The following VPS50 variants were observed in gnomAD, a reference collection of about 807,000 sequenced individuals.
VPS50 encodes syndetin.
Under a neutral mutation model 139.7 loss-of-function variants are expected in VPS50, and 70 were observed. That is an observed-to-expected ratio of 0.50 (90% CI 0.41 to 0.61). The LOEUF (loss-of-function observed/expected upper bound fraction) is 0.61, where lower values mean the gene tolerates loss of function less well. VPS50 is among the 20% of genes least tolerant of loss of function. The probability of loss-of-function intolerance (pLI) is 0.00; values close to 1 mark genes in which losing one functional copy is unlikely to be tolerated. For missense variants in VPS50, 921 were observed against 1,133.7 expected, an observed-to-expected ratio of 0.81 and a Z score of 2.69; for synonymous variants, 365 against 376.7, an observed-to-expected ratio of 0.97 and a Z score of 0.36.
chr7:93,328,949 A>G (rs1797861172), intron 21 of VPS50, among the ~76,000 whole-genome samples: 2 of 152,206 alleles, frequency 1.3e-5, no homozygotes, highest in South Asian at 4.1e-4. Flanking sequence ...ACGGAGACCA[A>G]AGCTGCTGCA....
At chr7:93,271,198 C>T (rs917088696) in intron 9 of VPS50, 22 bp from the exon 10 acceptor site, 2 of 1,519,216 alleles carry the variant, frequency 1.3e-6, no homozygotes, top group East Asian at 2.4e-5. Context: ...TAGAAAAAAA[C>T]TGTTTTTTTT....
At chr7:93,326,256 A>G (rs1404657354) in intron 21 of VPS50, among the ~76,000 whole-genome samples, 5 of 131,654 alleles carry the variant, frequency 3.8e-5, no homozygotes, top group South Asian at 2.4e-4. Flanking sequence ...ATGAGAACAC[A>G]TGGACACAGG....
At chr7:93,291,908 G>GA in intron 13 of VPS50, 73 bp downstream of exon 13, 1 of 1,023,970 alleles carries the variant, frequency 9.8e-7, no homozygotes, top group South Asian at 2.0e-5. Flanking sequence ...AAGAAGAAAG[G>GA]AAAGGGGCAG....
At chr7:93,294,791 T>G (rs1298876515) in intron 14 of VPS50, among the ~76,000 whole-genome samples, 155 bp downstream of exon 14, 2 of 152,182 alleles carry the variant, frequency 1.3e-5, no homozygotes, top group African/African-American at 2.4e-5. Flanking sequence ...ATTTCTGTAA[T>G]GTATTTGGAC....
chr7:93,298,498 C>G (rs564763436), intron 16 of VPS50, among the ~76,000 whole-genome samples: 1 of 152,300 alleles, frequency 6.6e-6, no homozygotes, highest in African/African-American at 2.4e-5. Flanking sequence ...CCAAATGTCT[C>G]TCTTCCCAGA....
intron 21 of VPS50, among the ~76,000 whole-genome samples, chr7:93,325,545 T>G (rs1797744196): frequency 6.6e-6 from 1 of 151,912 alleles, no homozygotes; most frequent in Non-Finnish European, 1.5e-5. Flanking sequence ...TTTCACAACC[T>G]ACTCATCTGA....
At chr7:93,319,588 C>G (rs189238487) in intron 20 of VPS50, among the ~76,000 whole-genome samples, 1 of 152,102 alleles carries the variant, frequency 6.6e-6, no homozygotes, top group Admixed American at 6.5e-5. Flanking sequence ...GAATTTCTCT[C>G]TCTTTGAAAA....
chr7:93,342,001 A>C (rs2117061916), intron 23 of VPS50, among the ~76,000 whole-genome samples: 1 of 152,350 alleles, frequency 6.6e-6, no homozygotes, highest in South Asian at 2.1e-4. Context: ...GAACAGCTCC[A>C]GTCTGCAGCT....
Position 93,232,395 on chromosome 7 carries a change from AGGGC to A in VPS50, c.-72_-69del. On this transcript the variant is annotated 5_prime_UTR_variant, in exon 1 of 28. Transcript: ENST00000305866. Reference sequence around the variant, plus strand: ...CCACCCACTATGGCTTCCTAGTGTCAGGGCCAGCTGTGTAGTGGCTCGGTGTGAT... The same window carrying A: ...CCACCCACTATGGCTTCCTAGTGTCACAGCTGTGTAGTGGCTCGGTGTGAT... 4 of 1,316,098 alleles carry A rather than the reference AGGGC, an allele frequency of 3.0e-6. No individual in the cohort carries two copies. The highest frequency in any genetic ancestry group is 3.3e-6 in the Non-Finnish European group (3 of 909,794). 81.5% of individuals were successfully genotyped at this position (1,316,098 alleles called of 1,614,324 possible). A position where few individuals can be genotyped will look rare whatever the true frequency, so the allele number is the denominator to read the frequency against.
At chr7:93,257,578 C>A in intron 6 of VPS50, 114 bp downstream of exon 6, 1 of 620,224 alleles carries the variant, frequency 1.6e-6, no homozygotes, top group South Asian at 2.2e-5. Context: ...TCTAGAATAT[C>A]ATTCCTTAAG....
chr7:93,282,096 C>T (rs28368792), intron 12 of VPS50, among the ~76,000 whole-genome samples: 3,267 of 151,192 alleles, frequency 0.022, 122 homozygotes, highest in African/African-American at 0.075. Context: ...CCCAGCTACT[C>T]GGGAGGCTGA....
At chr7:93,307,543 G>T (rs564502363) in intron 18 of VPS50, among the ~76,000 whole-genome samples, 1 of 151,974 alleles carries the variant, frequency 6.6e-6, no homozygotes, top group African/African-American at 2.4e-5. Flanking sequence ...TCACTGTTCT[G>T]CACGTTTATG....
At chr7:93,268,572 G>A (rs1454493534) in intron 9 of VPS50, among the ~76,000 whole-genome samples, 1 of 152,112 alleles carries the variant, frequency 6.6e-6, no homozygotes, top group Non-Finnish European at 1.5e-5. Context: ...GTTAGAACAT[G>A]TGGTGTTTGG....
intron 21 of VPS50, among the ~76,000 whole-genome samples, chr7:93,331,738 G>A (rs556229251): frequency 3.1e-4 from 47 of 152,214 alleles, no homozygotes; most frequent in Admixed American, 1.3e-3. Context: ...TTGATAAAAT[G>A]GGCTTCCTCA....
chr7:93,317,106 G>T (rs963006129), intron 20 of VPS50, among the ~76,000 whole-genome samples: 5 of 152,166 alleles, frequency 3.3e-5, no homozygotes, highest in Admixed American at 6.5e-5. Context: ...AAATTAGGAG[G>T]TGAAGCAGAG....
intron 14 of VPS50, among the ~76,000 whole-genome samples, chr7:93,295,635 CATGTTATGGTCTTTTAAA>C (rs1796786153): frequency 6.6e-6 from 1 of 152,046 alleles, no homozygotes; most frequent in Non-Finnish European, 1.5e-5. Context: ...ACCCTTTGGC[CATGTTATGGTCTTTTAAA>C]ATGTATTTTT....
At chr7:93,319,755 C>T (rs1273907058) in intron 20 of VPS50, among the ~76,000 whole-genome samples, 4 of 152,072 alleles carry the variant, frequency 2.6e-5, no homozygotes, top group African/African-American at 9.7e-5. Context: ...ATAATTTCCA[C>T]CTCTGTATTT....
chr7:93,297,388 T>A, intron 16 of VPS50, 145 bp downstream of exon 16: 2 of 860,254 alleles, frequency 2.3e-6, no homozygotes, highest in Non-Finnish European at 3.2e-6. Context: ...GGTTAAGGAT[T>A]TTTTTAACCA....
At chr7:93,236,096 T>G (rs1180931766) in intron 1 of VPS50, among the ~76,000 whole-genome samples, 1 of 152,076 alleles carries the variant, frequency 6.6e-6, no homozygotes, top group Non-Finnish European at 1.5e-5. Flanking sequence ...GAATGTGGGA[T>G]GAAGAGAACA....
Sources: allele counts gnomAD v4.1 joint callset (sites outside exome capture counted in the v4.1 genomes callset), GRCh38; gene constraint gnomAD v4.1.1; transcripts MANE v1.5; gene names NCBI Gene and HGNC (gene_info 2026-07-23, HGNC 2026-07-21).